Variants in RBM47 observed in about 807,000 individuals in gnomAD.
The protein encoded by RBM47 is RNA-binding protein 47.
RBM47 carries 21 observed loss-of-function variants against 47.1 expected under a neutral mutation model. That is an observed-to-expected ratio of 0.45 (90% CI 0.32 to 0.64). The LOEUF (loss-of-function observed/expected upper bound fraction) is 0.64, where lower values mean the gene tolerates loss of function less well. Ranked by LOEUF, RBM47 falls within the 30% of genes least tolerant of loss-of-function variation. The pLI is 0.05. For synonymous variants in RBM47, 375 were observed against 361.7 expected (o/e 1.04, Z -0.42); for missense variants, 708 against 870.9 (o/e 0.81, Z 2.35).
chr4:40,482,556 A>C, intron 2 of RBM47, among the ~76,000 whole-genome samples: 1 of 152,210 alleles, frequency 6.6e-6, no homozygotes. Flanking sequence ...CCTAGCCTGC[A>C]TTCTTATTTA....
intron 3 of RBM47, among the ~76,000 whole-genome samples, chr4:40,440,198 A>G (rs1463523215): frequency 6.6e-6 from 1 of 152,226 alleles, no homozygotes; most frequent in African/African-American, 2.4e-5. Flanking sequence ...ATTTATAGAA[A>G]GTTAAGAAAA....
At chr4:40,575,893 C>T (rs1732250385) in intron 1 of RBM47, among the ~76,000 whole-genome samples, 1 of 152,208 alleles carries the variant, frequency 6.6e-6, no homozygotes, top group South Asian at 2.1e-4. Flanking sequence ...GGCCTGGCTC[C>T]AGCAGGGAGA....
intron 2 of RBM47, among the ~76,000 whole-genome samples, chr4:40,512,723 A>T (rs908058461): frequency 6.6e-6 from 1 of 151,700 alleles, no homozygotes; most frequent in African/African-American, 2.4e-5. Flanking sequence ...TCAAAAAAAA[A>T]AAAAAAAGAA....
At chr4:40,456,564 CT>C (rs1277526841) in intron 3 of RBM47, among the ~76,000 whole-genome samples, 1 of 78,694 alleles carries the variant, frequency 1.3e-5, no homozygotes, top group African/African-American at 4.3e-5. Flanking sequence ...TTTTTCTTTT[CT>C]TTTTTCTTTT....
At chr4:40,545,048 C>CTT (rs532170715) in intron 1 of RBM47, among the ~76,000 whole-genome samples, 7 of 114,254 alleles carry the variant, frequency 6.1e-5, no homozygotes, top group East Asian at 2.6e-4. Context: ...GAGTGAGATC[C>CTT]TTTTTTTTTT....
At chr4:40,519,671 T>TTTC (rs1725999152) in intron 2 of RBM47, among the ~76,000 whole-genome samples, 1 of 115,554 alleles carries the variant, frequency 8.7e-6, no homozygotes, top group African/African-American at 5.5e-5. Context: ...TTTTTTTTTT[T>TTTC]TTTTTTTTTT....
intron 3 of RBM47, among the ~76,000 whole-genome samples, chr4:40,454,897 T>A (rs1044451695): frequency 6.6e-6 from 1 of 151,972 alleles, no homozygotes; most frequent in African/African-American, 2.4e-5. Flanking sequence ...CCAAAGCTCT[T>A]TCTACCATGA....
chr4:40,524,685 C>T (rs1048260666), intron 2 of RBM47, among the ~76,000 whole-genome samples: 9 of 152,134 alleles, frequency 5.9e-5, no homozygotes, highest in African/African-American at 1.9e-4. Context: ...GCACAGACAC[C>T]GCTCAGCTCA....
At chr4:40,613,485 A>G (rs545680283) in intron 1 of RBM47, among the ~76,000 whole-genome samples, 2 of 152,360 alleles carry the variant, frequency 1.3e-5, no homozygotes, top group South Asian at 4.1e-4. Context: ...CTACGAAATG[A>G]CTTTTCTAGC....
intron 6 of RBM47, chr4:40,427,044 A>C (rs1715161596): frequency 6.6e-6 from 1 of 152,204 alleles, no homozygotes; most frequent in Non-Finnish European, 1.5e-5. Context: ...GATCTGTCTC[A>C]GAGACAGAGA....
chr4:40,617,537 GAC>G (rs1736862428), intron 1 of RBM47, among the ~76,000 whole-genome samples: 1 of 151,884 alleles, frequency 6.6e-6, no homozygotes, highest in African/African-American at 2.4e-5. Flanking sequence ...CCAGCCTGGT[GAC>G]AGAGTGAGAC....
chr4:40,448,336 GA>G, intron 3 of RBM47, among the ~76,000 whole-genome samples: 1 of 152,244 alleles, frequency 6.6e-6, no homozygotes, highest in South Asian at 2.1e-4. Context: ...ATGCAATTTG[GA>G]ATTCTTGGGA....
At chr4:40,561,757 G>A (rs1262015758) in intron 1 of RBM47, among the ~76,000 whole-genome samples, 2 of 149,920 alleles carry the variant, frequency 1.3e-5, no homozygotes, top group South Asian at 2.1e-4. Flanking sequence ...GTTATGTTGC[G>A]CAAGCTGGTC....
chr4:40,526,212 G>C (rs1005174446), intron 2 of RBM47, among the ~76,000 whole-genome samples: 2 of 152,148 alleles, frequency 1.3e-5, no homozygotes, highest in African/African-American at 4.8e-5. Context: ...CCAAGGACTC[G>C]CTTTCTGCTT....
intron 2 of RBM47, among the ~76,000 whole-genome samples, chr4:40,512,482 G>A (rs1274897282): frequency 5.5e-5 from 8 of 146,080 alleles, no homozygotes; most frequent in Non-Finnish European, 1.0e-4. Context: ...TTGGGAGGCC[G>A]AGGCGAGTGG....
chr4:40,621,834 T>G (rs1485097826), intron 1 of RBM47, among the ~76,000 whole-genome samples: 1 of 152,178 alleles, frequency 6.6e-6, no homozygotes, highest in Non-Finnish European at 1.5e-5. Flanking sequence ...AATGGGGAAG[T>G]GCTGAAACGA....
intron 3 of RBM47, among the ~76,000 whole-genome samples, chr4:40,455,310 G>A (rs1379459090): frequency 1.3e-5 from 2 of 152,186 alleles, no homozygotes; most frequent in Non-Finnish European, 2.9e-5. Flanking sequence ...GTGATTCCAC[G>A]CCCAGGCTCT....
chr4:40,471,834 A>G (rs530378574), intron 2 of RBM47, among the ~76,000 whole-genome samples: 1 of 152,258 alleles, frequency 6.6e-6, no homozygotes, highest in African/African-American at 2.4e-5. Flanking sequence ...CTCCAGCCTC[A>G]TCTTGTGTTA....
chr4:40,522,115 C>A (rs1310092763), intron 2 of RBM47, among the ~76,000 whole-genome samples: 1 of 152,150 alleles, frequency 6.6e-6, no homozygotes, highest in East Asian at 1.9e-4. Flanking sequence ...GTAAGCAGTC[C>A]ATTCAAAGTT....
Sources: gnomAD v4.1 joint callset for allele counts (sites outside exome capture counted in the v4.1 genomes callset) on GRCh38, gnomAD v4.1.1 for gene constraint, MANE v1.5 for transcripts, NCBI Gene and HGNC (gene_info 2026-07-23, HGNC 2026-07-21) for gene names.